Variants in RBM25 observed in about 807,000 individuals in gnomAD.
The protein encoded by RBM25 is RNA binding motif protein 25, also known as RNA-binding protein 25.
In RBM25, 19 loss-of-function variants were observed where a neutral mutation model predicts 120.7. The observed-to-expected ratio is 0.16, with a 90% CI of 0.11 to 0.23. The LOEUF is 0.23. RBM25 is among the 10% of genes least tolerant of loss of function. The pLI is 1.00. For synonymous variants in RBM25, 390 were observed against 326.7 expected, an observed-to-expected ratio of 1.19 and a Z score of -2.09; for missense variants, 605 against 1,041.5, an observed-to-expected ratio of 0.58 and a Z score of 5.77.
chr14:73,095,886 G>A (rs1566593883), intron 6 of RBM25, among the ~76,000 whole-genome samples: 1 of 152,072 alleles, frequency 6.6e-6, no homozygotes. Flanking sequence ...AAAACTTTGG[G>A]GCATGCACAA....
Position 73,084,850 on chromosome 14 carries a change from G to A in RBM25, c.382+1299G>A, listed in dbSNP as rs1050988615. Among the ~76,000 whole-genome samples, 7 of 149,658 alleles carry A rather than the reference G, an allele frequency of 4.7e-5. 1 individual carries two copies. The South Asian group carries it at 1.3e-3, about 28-fold the overall frequency. ...TAGGCACGAGCCACTGCTCCTGGCC[G>A]CTATTTTTTTTTTTAATGTTTTTAT... is the stretch of plus-strand genomic sequence containing the variant. On this transcript the variant is annotated intron_variant, in intron 5 of 18. Transcript: ENST00000261973.
chr14:73,076,487 C>A (rs976285788), intron 3 of RBM25, 119 bp downstream of exon 3: 1 of 874,798 alleles, frequency 1.1e-6, no homozygotes, highest in Non-Finnish European at 1.8e-6. Flanking sequence ...GACAGAATGA[C>A]AGCACCCCTG....
intron 6 of RBM25, among the ~76,000 whole-genome samples, chr14:73,094,674 G>A (rs947265625): frequency 2.6e-5 from 4 of 152,078 alleles, no homozygotes; most frequent in African/African-American, 7.2e-5. Flanking sequence ...TTAGTGAGCC[G>A]CTGCACGCGG....
chr14:73,097,262 G>A (rs1376986265), intron 7 of RBM25, among the ~76,000 whole-genome samples, 162 bp downstream of exon 7: 2 of 124,748 alleles, frequency 1.6e-5, no homozygotes, highest in African/African-American at 6.3e-5. Flanking sequence ...ATGCAGTGGT[G>A]CAATCTCAGT....
chr14:73,098,387 T>C (rs1397033143), intron 7 of RBM25, among the ~76,000 whole-genome samples: 4 of 152,036 alleles, frequency 2.6e-5, no homozygotes, highest in Admixed American at 2.6e-4. Flanking sequence ...GCCTCAGCCT[T>C]CCAAAGTGCT....
At chr14:73,118,644 A>G (rs1187775702) in intron 18 of RBM25, among the ~76,000 whole-genome samples, 2 of 152,198 alleles carry the variant, frequency 1.3e-5, no homozygotes, top group Non-Finnish European at 2.9e-5. Flanking sequence ...GTATAATTGC[A>G]GTATCTGTAA....
intron 1 of RBM25, among the ~76,000 whole-genome samples, chr14:73,062,787 C>T (rs1895033925): frequency 6.6e-6 from 1 of 151,464 alleles, no homozygotes; most frequent in African/African-American, 2.4e-5. Context: ...ACCACCGCTA[C>T]ACTAGAGGTA....
At position 73,122,825 on chromosome 14, in the gene RBM25, A is replaced by G. The variant is rs535752008; in HGVS notation, c.*3020A>G. ...TTGCATTTCTGGACAGCTCCCAGCT[A>G]ATGTCATTGCCAACTGATCCAAGAC... On this transcript the variant is annotated 3_prime_UTR_variant, in exon 19 of 19. Coordinates refer to ENST00000261973, the MANE Select transcript of RBM25 (RefSeq NM_021239.3). The G allele has an allele frequency of 2.6e-5, 4 of 152,308 alleles. No homozygotes were observed. The highest frequency in any genetic ancestry group is 2.1e-4 in the South Asian group (1 of 4,828). The allele number at this position is 152,308 out of a possible 1,614,324, so 9.4% of individuals were successfully genotyped here. A position where few individuals can be genotyped will look rare whatever the true frequency, so the allele number is the denominator to read the frequency against.
intron 18 of RBM25, among the ~76,000 whole-genome samples, chr14:73,117,477 TA>T (rs781009191): frequency 1.1e-4 from 17 of 152,064 alleles, no homozygotes; most frequent in Non-Finnish European, 2.4e-4. Context: ...GTGATCTGCC[TA>T]CCTAGGCCTC....
intron 2 of RBM25, among the ~76,000 whole-genome samples, chr14:73,073,669 C>A (rs562165681): frequency 6.6e-6 from 1 of 151,924 alleles, no homozygotes; most frequent in South Asian, 2.1e-4. Flanking sequence ...GCCTGGGCAA[C>A]AAGAATGCAA....
At chr14:73,118,349 A>C (rs114443152) in intron 18 of RBM25, among the ~76,000 whole-genome samples, 1 of 151,998 alleles carries the variant, frequency 6.6e-6, no homozygotes, top group African/African-American at 2.4e-5. Context: ...GTAGTGGTGC[A>C]CACCTGTAGT....
Position 73,111,758 on chromosome 14 carries a change from C to T in RBM25, c.2248C>T (p.Pro750Ser), listed in dbSNP as rs1896313779. Residue 750 changes from proline to serine, a missense_variant, in exon 16 of 19, where the codon CCT becomes TCT. By Grantham distance (74) the Pro-to-Ser change is moderately conservative (BLOSUM62 -1). Around this residue, in one of 4 missense-constraint regions of RBM25, gnomAD observed 465 missense variants for 741.6 expected, o/e 0.63. Transcript: ENST00000261973. ...SLIEKIPTAK[P>S]ELFAYPLDWS... ...CATTGAGAAAATCCCTACAGCCAAACCTGAGCTCTTCGCTTATCCCCTGGA... is the reference window on the plus strand; with the variant it reads ...CATTGAGAAAATCCCTACAGCCAAATCTGAGCTCTTCGCTTATCCCCTGGA... 6.2e-7 allele frequency: 1 copy of T among 1,612,524 alleles called. No individual in the cohort carries two copies. Among genetic ancestry groups the T allele is most frequent in the African/African-American group, 1.3e-5 (1 of 74,750 alleles).
chr14:73,091,759 C>T (rs530530051), intron 6 of RBM25, among the ~76,000 whole-genome samples: 68 of 152,134 alleles, frequency 4.5e-4, no homozygotes, highest in African/African-American at 1.6e-3. Context: ...CACCTGTAAT[C>T]CCAGCTACTT....
At chr14:73,080,971 C>T (rs1367419265) in intron 4 of RBM25, among the ~76,000 whole-genome samples, 1 of 150,928 alleles carries the variant, frequency 6.6e-6, no homozygotes, top group Non-Finnish European at 1.5e-5. Flanking sequence ...ATTATGGATG[C>T]CTGCTACCAC....
At chr14:73,085,690 G>A (rs114500044) in intron 5 of RBM25, among the ~76,000 whole-genome samples, 3,453 of 151,548 alleles carry the variant, frequency 0.023, 136 homozygotes, top group African/African-American at 0.076. Context: ...CAGGTGATCC[G>A]CCCACCTCAG....
chr14:73,112,647 T>C (rs1318176493), intron 17 of RBM25, among the ~76,000 whole-genome samples: 1 of 152,192 alleles, frequency 6.6e-6, no homozygotes, highest in Non-Finnish European at 1.5e-5. Flanking sequence ...CAATATCTTT[T>C]CCCAACTCCT....
chr14:73,074,738 G>A (rs1895374122), intron 2 of RBM25, among the ~76,000 whole-genome samples: 1 of 151,372 alleles, frequency 6.6e-6, no homozygotes, highest in African/African-American at 2.4e-5. Flanking sequence ...TTTTGAGAGA[G>A]TCTCACTCTG....
At chr14:73,072,824 A>C (rs975715239) in intron 2 of RBM25, among the ~76,000 whole-genome samples, 1 of 152,224 alleles carries the variant, frequency 6.6e-6, no homozygotes, top group Non-Finnish European at 1.5e-5. Context: ...TGACTTAAGA[A>C]CATTGCAGTT....
Position 73,120,005 on chromosome 14 carries a change from T to C in RBM25, c.*200T>C. ...AAAGTCATCTGAATCCTTGGTTCTCTTTATACTCACCAGGTACAAATTACT... is the reference window on the plus strand; with the variant it reads ...AAAGTCATCTGAATCCTTGGTTCTCCTTATACTCACCAGGTACAAATTACT... On this transcript the variant is annotated 3_prime_UTR_variant, in exon 19 of 19. Coordinates refer to ENST00000261973, the MANE Select transcript of RBM25 (RefSeq NM_021239.3). The C allele has an allele frequency of 1.5e-6, 1 of 681,120 alleles. No homozygotes were observed. Among genetic ancestry groups the C allele is most frequent in the African/African-American group, 1.9e-5 (1 of 52,870 alleles). 42.2% of individuals were successfully genotyped at this position (681,120 alleles called of 1,614,324 possible).
Sources: gnomAD v4.1 joint callset for allele counts (sites outside exome capture counted in the v4.1 genomes callset) on GRCh38, gnomAD v4.1.1 for gene constraint, gnomAD v4.1.1 regional missense constraint, MANE v1.5 for transcripts, NCBI Gene and HGNC (gene_info 2026-07-23, HGNC 2026-07-21) for gene names.